STAG2: variants seen among roughly 807,000 people sequenced by gnomAD.
The protein encoded by STAG2 is STAG2 cohesin complex component, also known as cohesin subunit SA-2.
A neutral mutation model predicts 108.1 loss-of-function variants in STAG2; 14 were observed. The observed-to-expected ratio is 0.13, with a 90% CI of 0.09 to 0.20. STAG2 has a LOEUF of 0.20. Ranked by LOEUF, STAG2 falls within the 10% of genes least tolerant of loss-of-function variation. The pLI, the probability that STAG2 is intolerant of heterozygous loss-of-function variation, is 1.00. For synonymous variants in STAG2, 307 were observed against 302.7 expected (o/e 1.01, Z -0.15); for missense variants, 440 against 940.9 (o/e 0.47, Z 6.96).
intron 1 of STAG2, among the ~76,000 whole-genome samples, chrX:124,000,955 AAT>A (rs755128438): frequency 1.8e-5 from 2 of 112,366 alleles, no homozygotes; most frequent in East Asian, 5.6e-4. Context: ...ACAGAATAAG[AAT>A]ATAAAGAAAG....
At chrX:124,074,742 C>T (rs1443961782) in intron 25 of STAG2, among the ~76,000 whole-genome samples, 1 of 111,848 alleles carries the variant, frequency 8.9e-6, no homozygotes, top group Non-Finnish European at 1.9e-5. Context: ...AGGTACTTCT[C>T]TACATTCCTT....
At chrX:124,093,553 G>A (rs756639434) in intron 32 of STAG2, among the ~76,000 whole-genome samples, 4 of 105,801 alleles carry the variant, frequency 3.8e-5, no homozygotes, top group South Asian at 4.3e-4. Context: ...GTGAGTGCGC[G>A]CATGCCTGGT....
chrX:124,042,682 A>G, intron 7 of STAG2, 37 bp downstream of exon 7: 7 of 944,436 alleles, frequency 7.4e-6, no homozygotes, highest in Non-Finnish European at 1.1e-5. Context: ...TAACTTATGC[A>G]TGTTTATCTT....
chrX:124,004,474 C>T (rs906457468), intron 1 of STAG2, among the ~76,000 whole-genome samples: 58 of 112,126 alleles, frequency 5.2e-4, no homozygotes, highest in African/African-American at 1.9e-3. Flanking sequence ...TTGTGACTGG[C>T]TTATTTCACT....
chrX:124,095,996 C>T (rs1457463181), intron 34 of STAG2, among the ~76,000 whole-genome samples: 3 of 109,509 alleles, frequency 2.7e-5, no homozygotes, highest in African/African-American at 1.0e-4. Flanking sequence ...TATATCAGTC[C>T]CCTGTGCCAT....
At chrX:124,096,445 T>G (rs1380448660) in intron 34 of STAG2, among the ~76,000 whole-genome samples, 1 of 111,575 alleles carries the variant, frequency 9.0e-6, no homozygotes, top group Non-Finnish European at 1.9e-5. Flanking sequence ...ATTCTGACAT[T>G]ACCTGTGGAA....
At position 124,047,805 on chromosome X, in the gene STAG2, G is replaced by A. The variant is rs1482510641; in HGVS notation, c.819+300G>A. On this transcript the variant is annotated intron_variant, in intron 9 of 34. Transcript: ENST00000371145. ...CTCTACGGTGAAAAACCTTTTGTCA[G>A]GATGAAAAGAGATTTCACAATTAAA... is the stretch of plus-strand genomic sequence containing the variant. 3.6e-5 allele frequency among the ~76,000 whole-genome samples: 4 copies of A among 111,491 alleles called. No homozygotes were observed. The Admixed American group carries it at 3.8e-4, about 11-fold the overall frequency.
At chrX:124,007,340 T>C (rs748646679) in intron 1 of STAG2, among the ~76,000 whole-genome samples, 1 of 111,585 alleles carries the variant, frequency 9.0e-6, no homozygotes, top group South Asian at 3.7e-4. Flanking sequence ...TTTTTGTCCT[T>C]AAAATTCTTC....
At chrX:124,000,683 G>C (rs2055986274) in intron 1 of STAG2, among the ~76,000 whole-genome samples, 1 of 110,728 alleles carries the variant, frequency 9.0e-6, no homozygotes, top group Non-Finnish European at 1.9e-5. Flanking sequence ...CCTGTCTCAA[G>C]GGAAAAAAAG....
chrX:124,094,752 G>A (rs1329937092), intron 33 of STAG2, among the ~76,000 whole-genome samples: 1 of 111,770 alleles, frequency 8.9e-6, no homozygotes, highest in Non-Finnish European at 1.9e-5. Context: ...GGCAAAACTA[G>A]CAAACAGTAA....
At chrX:123,967,254 G>GTTTT (rs1169479525) in intron 1 of STAG2, among the ~76,000 whole-genome samples, 1 of 73,114 alleles carries the variant, frequency 1.4e-5, no homozygotes, top group Non-Finnish European at 2.6e-5. Context: ...TGTCAATGGT[G>GTTTT]TATTTTTTTT....
At position 123,983,974 on chromosome X, in the gene STAG2, C is replaced by CTTTTTTTTTTTTTTTTTTTTTTTT. The variant is rs199881082; in HGVS notation, c.-163+22139_-163+22140insTTTTTTTTTTTTTTTTTTTTTTTT. Reference sequence around the variant, plus strand: ...AAAAAGAATAATTTTCTTTTCTTTTCTTTTTTTTTTTTTTTTTTTTTGAGA... The same window carrying CTTTTTTTTTTTTTTTTTTTTTTTT: ...AAAAAGAATAATTTTCTTTTCTTTTCTTTTTTTTTTTTTTTTTTTTTTTTTTTTTTTTTTTTTTTTTTTTTGAGA... On this transcript the variant is annotated intron_variant, in intron 1 of 34. Transcript: ENST00000371145. Among the ~76,000 whole-genome samples, 15 of 61,463 alleles carry CTTTTTTTTTTTTTTTTTTTTTTTT rather than the reference C, an allele frequency of 2.4e-4. 2 individuals carry two copies. The highest frequency in any genetic ancestry group is 1.1e-3 in the African/African-American group (12 of 10,970). The allele number at this position is 61,463 out of a possible 115,157, so 53.4% of individuals were successfully genotyped here.
At chrX:123,975,485 A>G (rs2054576069) in intron 1 of STAG2, among the ~76,000 whole-genome samples, 1 of 111,902 alleles carries the variant, frequency 8.9e-6, no homozygotes, top group South Asian at 3.7e-4. Context: ...TTTTTGAGCC[A>G]GAGTTTCGCT....
In STAG2 at chrX:124,076,554, G is replaced by A. The variant is rs1258355539; in HGVS notation, c.2673+83G>A. On this transcript the variant is annotated intron_variant, in intron 26 of 34. Coordinates refer to ENST00000371145, the MANE Select transcript of STAG2 (RefSeq NM_001042750.2). ...ATGGCTGCCATTGAATTCTTTAAGG[G>A]CAAATTACATTTCTAGTGTAAAAGA... The A allele has an allele frequency of 1.9e-5, 17 of 886,040 alleles. 1 individual carries two copies. In the East Asian group the frequency reaches 6.0e-4, roughly 31 times the overall value. 73.0% of individuals were successfully genotyped at this position (886,040 alleles called of 1,213,427 possible). A position where few individuals can be genotyped will look rare whatever the true frequency, so the allele number is the denominator to read the frequency against.
At chrX:124,098,210 A>G (rs2059430388) in intron 34 of STAG2, among the ~76,000 whole-genome samples, 1 of 111,108 alleles carries the variant, frequency 9.0e-6, no homozygotes, top group Non-Finnish European at 1.9e-5. Flanking sequence ...TTAATTTGAT[A>G]ATAGTTTAGC....
At chrX:124,033,052 G>A (rs1365816724) in intron 5 of STAG2, among the ~76,000 whole-genome samples, 1 of 112,143 alleles carries the variant, frequency 8.9e-6, no homozygotes, top group Non-Finnish European at 1.9e-5. Context: ...GAACTTAAAA[G>A]GTGCCAGATT....
At chrX:124,007,445 GTT>G (rs34408038) in intron 1 of STAG2, among the ~76,000 whole-genome samples, 1 of 109,086 alleles carries the variant, frequency 9.2e-6, no homozygotes. Context: ...ACATGATTAG[GTT>G]TTTTTTTCCA....
chrX:124,033,023 G>A (rs951415389), intron 5 of STAG2, among the ~76,000 whole-genome samples: 4 of 112,112 alleles, frequency 3.6e-5, no homozygotes, highest in Non-Finnish European at 7.5e-5. Context: ...TTGAGCTTTC[G>A]CCAATTTTAC....
intron 1 of STAG2, among the ~76,000 whole-genome samples, chrX:123,970,792 G>A (rs1419968161): frequency 3.6e-5 from 4 of 112,047 alleles, no homozygotes; most frequent in African/African-American, 1.3e-4. Context: ...AATACTAACT[G>A]AACTCTTACC....
Sources: gnomAD v4.1 joint callset for allele counts (sites outside exome capture counted in the v4.1 genomes callset) on GRCh38, gnomAD v4.1.1 for gene constraint, MANE v1.5 for transcripts, NCBI Gene and HGNC (gene_info 2026-07-23, HGNC 2026-07-21) for gene names.